VPS13B: variants seen among roughly 807,000 people sequenced by gnomAD.
VPS13B encodes the protein vacuolar protein sorting 13 homolog B.
Under a neutral mutation model 426.4 loss-of-function variants are expected in VPS13B, and 285 were observed. That is an observed-to-expected ratio of 0.67 (90% CI 0.61 to 0.74). VPS13B has a LOEUF of 0.74. VPS13B is among the 30% of genes least tolerant of loss of function. The probability of loss-of-function intolerance (pLI) is 0.00; values close to 1 mark genes in which losing one functional copy is unlikely to be tolerated. For synonymous variants in VPS13B, 1,676 were observed against 1,676.4 expected (o/e 1.00, Z 0.01); for missense variants, 4,537 against 4,782.6 (o/e 0.95, Z 1.51).
chr8:99,844,685 A>G (rs1815888751), intron 54 of VPS13B, among the ~76,000 whole-genome samples: 1 of 152,040 alleles, frequency 6.6e-6, no homozygotes, highest in Non-Finnish European at 1.5e-5. Flanking sequence ...CTTCTTTTAT[A>G]AGGACACTAA....
At chr8:99,053,204 T>C (rs1843655359) in intron 3 of VPS13B, among the ~76,000 whole-genome samples, 1 of 152,062 alleles carries the variant, frequency 6.6e-6, no homozygotes, top group African/African-American at 2.4e-5. Flanking sequence ...GTTTGTTACA[T>C]ATGTATACAT....
chr8:99,344,540 C>T (rs929018478), intron 19 of VPS13B, among the ~76,000 whole-genome samples: 1 of 152,096 alleles, frequency 6.6e-6, no homozygotes, highest in African/African-American at 2.4e-5. Context: ...ATTATATTTC[C>T]TTTAGAAGAG....
intron 25 of VPS13B, among the ~76,000 whole-genome samples, chr8:99,482,654 C>G (rs1820104725): frequency 6.6e-6 from 1 of 152,102 alleles, no homozygotes. Context: ...GTTTCAAACA[C>G]AACACAGTTC....
At chr8:99,477,556 T>A (rs1162973950) in intron 24 of VPS13B, among the ~76,000 whole-genome samples, 2 of 152,212 alleles carry the variant, frequency 1.3e-5, no homozygotes, top group Non-Finnish European at 2.9e-5. Context: ...GATTACATTT[T>A]ATGGAAATAA....
chr8:99,402,983 G>C (rs1490423751), intron 21 of VPS13B, among the ~76,000 whole-genome samples: 3 of 152,176 alleles, frequency 2.0e-5, no homozygotes, highest in Non-Finnish European at 4.4e-5. Context: ...AAATTAGAAA[G>C]GACTCTTCAA....
Position 99,696,560 on chromosome 8 carries a change from C to T in VPS13B, c.6047-2965C>T, listed in dbSNP as rs186514200. On this transcript the variant is annotated intron_variant, in intron 35 of 61. Transcript: ENST00000357162. ...CGCCCGTGACCATGAAGCTCTTCCC[C>T]AGCATGCCAGCATCCACGTTTGAGA... is the stretch of plus-strand genomic sequence containing the variant. 5 of 513,850 alleles carry T rather than the reference C, an allele frequency of 9.7e-6. No individual in the cohort carries two copies. The East Asian group carries it at 1.7e-4, about 17-fold the overall frequency. 31.8% of individuals were successfully genotyped at this position (513,850 alleles called of 1,614,324 possible).
chr8:99,168,431 G>C (rs887887109), intron 15 of VPS13B, among the ~76,000 whole-genome samples: 4 of 152,102 alleles, frequency 2.6e-5, no homozygotes, highest in Non-Finnish European at 5.9e-5. Context: ...GGCTTTGAGA[G>C]AGTTCTTAGT....
At chr8:99,258,783 G>T (rs1289398372) in intron 17 of VPS13B, among the ~76,000 whole-genome samples, 1 of 152,000 alleles carries the variant, frequency 6.6e-6, no homozygotes, top group Admixed American at 6.6e-5. Context: ...GGCTTTTAGA[G>T]ATAAAAGCAA....
At chr8:99,060,558 G>A (rs1429038615) in intron 3 of VPS13B, among the ~76,000 whole-genome samples, 2 of 150,526 alleles carry the variant, frequency 1.3e-5, no homozygotes, top group Non-Finnish European at 3.0e-5. Flanking sequence ...GCAGTGAGCC[G>A]AGATCACACT....
chr8:99,810,846 G>A (rs1813660903), intron 44 of VPS13B, among the ~76,000 whole-genome samples: 1 of 152,152 alleles, frequency 6.6e-6, no homozygotes, highest in East Asian at 1.9e-4. Flanking sequence ...GATTAAGAGA[G>A]AGCATTCCAA....
chr8:99,570,958 T>A (rs577286048), intron 31 of VPS13B, among the ~76,000 whole-genome samples: 18 of 152,176 alleles, frequency 1.2e-4, no homozygotes, highest in Admixed American at 3.3e-4. Context: ...CTCATTATTT[T>A]TAATTTTCCA....
intron 33 of VPS13B, among the ~76,000 whole-genome samples, chr8:99,609,070 T>C (rs1241033672): frequency 6.6e-6 from 1 of 152,158 alleles, no homozygotes; most frequent in African/African-American, 2.4e-5. Context: ...TGTTTAACCA[T>C]GGTAGTTTCT....
At chr8:99,257,268 T>C (rs751701183) in intron 17 of VPS13B, among the ~76,000 whole-genome samples, 19 of 152,158 alleles carry the variant, frequency 1.2e-4, no homozygotes, top group Non-Finnish European at 2.4e-4. Context: ...CAGTAGTTCT[T>C]TATCATGAAT....
At chr8:99,083,439 A>G (rs1845596446) in intron 3 of VPS13B, among the ~76,000 whole-genome samples, 2 of 151,852 alleles carry the variant, frequency 1.3e-5, no homozygotes, top group Non-Finnish European at 2.9e-5. Flanking sequence ...CTAATTGAAT[A>G]CCCTTTATTT....
chr8:99,317,539 C>CAAA (rs1419369148), intron 19 of VPS13B, among the ~76,000 whole-genome samples: 1 of 152,074 alleles, frequency 6.6e-6, no homozygotes, highest in Non-Finnish European at 1.5e-5. Context: ...TGTGTGTAGA[C>CAAA]ATAAAATTCA....
intron 3 of VPS13B, among the ~76,000 whole-genome samples, chr8:99,071,499 A>G (rs1475125394): frequency 2.0e-4 from 30 of 152,148 alleles, no homozygotes; most frequent in Admixed American, 2.0e-3. Context: ...GGCCACCACC[A>G]CTATGACTCG....
chr8:99,871,740 G>A, intron 61 of VPS13B, 43 bp downstream of exon 61: 1 of 1,611,262 alleles, frequency 6.2e-7, no homozygotes, highest in Non-Finnish European at 8.5e-7. Flanking sequence ...GCTGGCCAGG[G>A]AGGTTGAGGA....
intron 19 of VPS13B, among the ~76,000 whole-genome samples, chr8:99,305,271 A>G (rs1377785126): frequency 1.3e-5 from 2 of 152,132 alleles, no homozygotes; most frequent in East Asian, 3.8e-4. Flanking sequence ...GTGGATCAAA[A>G]ATGTTCAGGA....
At chr8:99,288,937 C>T (rs920976003) in intron 19 of VPS13B, among the ~76,000 whole-genome samples, 5 of 151,932 alleles carry the variant, frequency 3.3e-5, no homozygotes, top group Admixed American at 3.3e-4. Context: ...TAGTTCATGC[C>T]TATAATCTCA....
Sources: allele counts gnomAD v4.1 joint callset (sites outside exome capture counted in the v4.1 genomes callset), GRCh38; gene constraint gnomAD v4.1.1; transcripts MANE v1.5; gene names NCBI Gene and HGNC (gene_info 2026-07-23, HGNC 2026-07-21).